KPNA1: variants seen among roughly 807,000 people sequenced by gnomAD.
The protein encoded by KPNA1 is importin subunit alpha-5.
In KPNA1, 10 loss-of-function variants were observed where a neutral mutation model predicts 70.5. The ratio of observed to expected loss-of-function variants is 0.14; its 90% CI spans 0.09 to 0.24. The LOEUF is 0.24. Among genes scored for constraint, KPNA1 ranks in the 10% least tolerant of loss-of-function variants. KPNA1 has a pLI of 1.00. For synonymous variants in KPNA1, 192 were observed against 221.9 expected (o/e 0.87, Z 1.20); for missense variants, 397 against 637.9 (o/e 0.62, Z 4.07).
intron 2 of KPNA1, among the ~76,000 whole-genome samples, chr3:122,470,073 A>C (rs556351486): frequency 6.6e-6 from 1 of 152,356 alleles, no homozygotes; most frequent in Non-Finnish European, 1.5e-5. Context: ...ATAAAGGAAG[A>C]ACATCAAAGA....
At chr3:122,507,305 G>A (rs6438736) in intron 1 of KPNA1, among the ~76,000 whole-genome samples, 7,461 of 152,078 alleles carry the variant, frequency 0.049, 248 homozygotes, top group Non-Finnish European at 0.079. Flanking sequence ...GCCGGGCGTG[G>A]TGGCGGGCGC....
chr3:122,467,922 G>C (rs747182207), intron 2 of KPNA1, among the ~76,000 whole-genome samples: 3 of 152,176 alleles, frequency 2.0e-5, no homozygotes, highest in African/African-American at 7.2e-5. Flanking sequence ...GACTGCTTAA[G>C]CACTACCTTT....
At chr3:122,513,163 A>C (rs1036933547) in intron 1 of KPNA1, among the ~76,000 whole-genome samples, 1 of 152,272 alleles carries the variant, frequency 6.6e-6, no homozygotes, top group African/African-American at 2.4e-5. Flanking sequence ...GGTTGTTCTC[A>C]ACAAGAACTG....
chr3:122,486,291 A>T (rs2076627892), intron 2 of KPNA1, among the ~76,000 whole-genome samples: 1 of 152,268 alleles, frequency 6.6e-6, no homozygotes, highest in Non-Finnish European at 1.5e-5. Context: ...CTATTCAATT[A>T]TAAAATGGAA....
chr3:122,483,967 A>AT (rs1438003865), intron 2 of KPNA1, among the ~76,000 whole-genome samples: 1 of 152,122 alleles, frequency 6.6e-6, no homozygotes, highest in African/African-American at 2.4e-5. Context: ...TTCCTATGTT[A>AT]TTTTTTAGCA....
At chr3:122,508,122 A>G (rs2076912296) in intron 1 of KPNA1, among the ~76,000 whole-genome samples, 1 of 152,236 alleles carries the variant, frequency 6.6e-6, no homozygotes, top group Non-Finnish European at 1.5e-5. Flanking sequence ...TACTAAAATT[A>G]TAAAGAAATT....
At chr3:122,453,214 A>T (rs1171120803) in intron 6 of KPNA1, among the ~76,000 whole-genome samples, 1 of 152,124 alleles carries the variant, frequency 6.6e-6, no homozygotes, top group Non-Finnish European at 1.5e-5. Context: ...CAAGTGCTGG[A>T]ATTACAGGCA....
chr3:122,470,553 A>T (rs2076430101), intron 2 of KPNA1, among the ~76,000 whole-genome samples: 2 of 151,450 alleles, frequency 1.3e-5, no homozygotes, highest in East Asian at 3.9e-4. Flanking sequence ...AATAAATAAA[A>T]ATTTTTAAAA....
intron 2 of KPNA1, among the ~76,000 whole-genome samples, chr3:122,491,774 T>C (rs984434482): frequency 2.1e-5 from 3 of 140,224 alleles, no homozygotes; most frequent in Admixed American, 7.2e-5. Context: ...GGTATCTAAA[T>C]AGCTATAATC....
At chr3:122,497,253 A>G (rs9827044) in intron 1 of KPNA1, among the ~76,000 whole-genome samples, 7,355 of 152,278 alleles carry the variant, frequency 0.048, 586 homozygotes, top group African/African-American at 0.16. Context: ...GTTGTAGCAT[A>G]TATCAGTACT....
At chr3:122,502,727 T>C (rs2076842719) in intron 1 of KPNA1, among the ~76,000 whole-genome samples, 1 of 152,112 alleles carries the variant, frequency 6.6e-6, no homozygotes, top group South Asian at 2.1e-4. Context: ...TGAAAAATGA[T>C]ATAAAGAAGA....
chr3:122,499,237 A>C (rs1353113158), intron 1 of KPNA1, among the ~76,000 whole-genome samples: 1 of 152,232 alleles, frequency 6.6e-6, no homozygotes, highest in Non-Finnish European at 1.5e-5. Context: ...GTTGAATAGA[A>C]ATAGAGCAGA....
chr3:122,505,943 A>G (rs1385695936), intron 1 of KPNA1, among the ~76,000 whole-genome samples: 1 of 152,030 alleles, frequency 6.6e-6, no homozygotes, highest in Non-Finnish European at 1.5e-5. Flanking sequence ...TAATCTCAAC[A>G]CCCTTTTCAC....
chr3:122,472,275 CAG>C (rs2076451205), intron 2 of KPNA1, among the ~76,000 whole-genome samples: 1 of 151,906 alleles, frequency 6.6e-6, no homozygotes, highest in Non-Finnish European at 1.5e-5. Context: ...AAATCAATAA[CAG>C]AAATATAATT....
At position 122,424,099 on chromosome 3, in the gene KPNA1, A is replaced by G. The variant is rs2075790518; in HGVS notation, c.*2886T>C. 6.6e-6 allele frequency: 1 copy of G among 152,180 alleles called. No homozygotes were observed. Among genetic ancestry groups the G allele is most frequent in the Non-Finnish European group, 1.5e-5 (1 of 68,028 alleles). 9.4% of individuals were successfully genotyped at this position (152,180 alleles called of 1,614,324 possible). A position where few individuals can be genotyped will look rare whatever the true frequency, so the allele number is the denominator to read the frequency against. ...TGCCTTTACATCCAAAATTCTCTTA[A>G]TGCTTTTTTTCCCCCACCAAAGTTC... On this transcript the variant is annotated 3_prime_UTR_variant, in exon 14 of 14. Transcript: ENST00000344337.
chr3:122,487,681 ACTT>A lies in KPNA1; in HGVS notation c.129+8753_129+8755del, dbSNP rs1254783270. 5.8e-4 allele frequency among the ~76,000 whole-genome samples: 89 copies of A among 152,352 alleles called. 1 individual carries two copies. The highest frequency in any genetic ancestry group is 2.0e-3 in the African/African-American group (83 of 41,580). Reference sequence around the variant, plus strand: ...AAGAGGACAAATATTGTACGAGTCTACTTATATGAGATATCTAGAGAAATCAAA... The same window carrying A: ...AAGAGGACAAATATTGTACGAGTCTAATATGAGATATCTAGAGAAATCAAA... On this transcript the variant is annotated intron_variant, in intron 2 of 13. Coordinates refer to ENST00000344337, the MANE Select transcript of KPNA1 (RefSeq NM_002264.4).
intron 2 of KPNA1, among the ~76,000 whole-genome samples, chr3:122,492,156 G>C (rs73190150): frequency 0.022 from 3,409 of 152,184 alleles, 90 homozygotes; most frequent in East Asian, 0.12. Flanking sequence ...CACCGTGCCC[G>C]GCCCGACCAT....
chr3:122,473,675 C>T (rs1158254526), intron 2 of KPNA1, among the ~76,000 whole-genome samples: 1 of 152,130 alleles, frequency 6.6e-6, no homozygotes, highest in African/African-American at 2.4e-5. Context: ...ATCCAACACC[C>T]ATTCACGATT....
At chr3:122,471,392 C>G (rs2076440571) in intron 2 of KPNA1, among the ~76,000 whole-genome samples, 1 of 152,072 alleles carries the variant, frequency 6.6e-6, no homozygotes, top group Non-Finnish European at 1.5e-5. Flanking sequence ...AATAAATCGG[C>G]ATTTTGGCAA....
Sources: gnomAD v4.1 joint callset for allele counts (sites outside exome capture counted in the v4.1 genomes callset) on GRCh38, gnomAD v4.1.1 for gene constraint, MANE v1.5 for transcripts, NCBI Gene and HGNC (gene_info 2026-07-23, HGNC 2026-07-21) for gene names.